RSPH14: variants seen among roughly 807,000 people sequenced by gnomAD.
The protein encoded by RSPH14 is rhabdoid tumor deletion region gene 1.
Under a neutral mutation model 26.7 loss-of-function variants are expected in RSPH14, and 20 were observed. The ratio of observed to expected loss-of-function variants is 0.75; its 90% confidence interval spans 0.53 to 1.09. RSPH14 has a LOEUF of 1.09. RSPH14 is among the 50% of genes least tolerant of loss of function. RSPH14 has a pLI of 0.00. For synonymous variants in RSPH14, 177 were observed against 189.3 expected (o/e 0.93, Z 0.53); for missense variants, 449 against 457.2 (o/e 0.98, Z 0.16).
rs1221637155 is a variant in RSPH14 at position 23,134,043 on chromosome 22, A to G, written c.404T>C (p.Leu135Pro). The change falls in exon 4 of 7, where the codon CTG (leucine) becomes CCG (proline). Residue 135 changes from leucine to proline, a missense_variant. Leu to Pro is a moderately conservative substitution (Grantham distance 98, BLOSUM62 -3). Coordinates refer to ENST00000216036, the MANE Select transcript of RSPH14 (RefSeq NM_014433.3). Reference protein sequence around the residue: ...RGNLYKAYMQLVQVPRGAQEI... With the variant: ...RGNLYKAYMQPVQVPRGAQEI... Reference sequence around the variant, plus strand: ...AAGCCTACCTCTAGGCACCTGGACCAGCTGCATGTATGCCTTGTACAGGTT... The same window carrying G: ...AAGCCTACCTCTAGGCACCTGGACCGGCTGCATGTATGCCTTGTACAGGTT... 3 of 1,613,652 alleles carry G rather than the reference A, an allele frequency of 1.9e-6. No homozygotes were observed. The East Asian group carries it at 6.7e-5, about 36-fold the overall frequency.
chr22:23,119,153 C>T (rs779874197), intron 4 of RSPH14, among the ~76,000 whole-genome samples: 2 of 152,204 alleles, frequency 1.3e-5, no homozygotes, highest in Admixed American at 6.5e-5. Context: ...GTCAGGATGC[C>T]GCTTTGCCCA....
chr22:23,073,659 C>T (rs2068432778), intron 4 of RSPH14, among the ~76,000 whole-genome samples: 1 of 152,234 alleles, frequency 6.6e-6, no homozygotes, highest in African/African-American at 2.4e-5. Flanking sequence ...ACAGGGACCG[C>T]TTGACAGATC....
chr22:23,150,748 C>T, the RSPH14 span, among the ~76,000 whole-genome samples: 4 of 152,332 alleles, frequency 2.6e-5, no homozygotes, highest in African/African-American at 7.2e-5. Flanking sequence ...CTAATCCCCT[C>T]GCTTCCCCTT....
intron 4 of RSPH14, among the ~76,000 whole-genome samples, chr22:23,067,629 T>C (rs1243315326): frequency 2.0e-5 from 3 of 152,200 alleles, no homozygotes; most frequent in African/African-American, 7.2e-5. Flanking sequence ...AACAGCTTCT[T>C]CCTTTACCAC....
intron 4 of RSPH14, among the ~76,000 whole-genome samples, chr22:23,075,206 C>T (rs898098094): frequency 2.0e-5 from 3 of 152,146 alleles, no homozygotes. Flanking sequence ...CAGCATTTCT[C>T]CTCCCTTCCC....
chr22:23,135,809 T>C (rs2070468325), intron 3 of RSPH14, among the ~76,000 whole-genome samples: 1 of 152,042 alleles, frequency 6.6e-6, no homozygotes, highest in Non-Finnish European at 1.5e-5. Context: ...ATCATTTCTT[T>C]TGATTAACCA....
At chr22:23,093,561 A>G (rs942160996) in intron 4 of RSPH14, among the ~76,000 whole-genome samples, 1 of 152,218 alleles carries the variant, frequency 6.6e-6, no homozygotes, top group Non-Finnish European at 1.5e-5. Context: ...TGACGCTCAC[A>G]GCGACAAGCA....
chr22:23,174,939 C>T, the RSPH14 span, among the ~76,000 whole-genome samples: 2 of 151,408 alleles, frequency 1.3e-5, no homozygotes, highest in Admixed American at 1.3e-4. Context: ...TGCACTGCAG[C>T]CTGGGCAACA....
chr22:23,160,988 A>G, the RSPH14 span: 1 of 1,610,716 alleles, frequency 6.2e-7, no homozygotes. Context: ...TCGGCAATGG[A>G]GACCTAATCC....
intron 4 of RSPH14, among the ~76,000 whole-genome samples, chr22:23,128,426 G>A (rs2070235333): frequency 6.6e-6 from 1 of 152,204 alleles, no homozygotes; most frequent in Non-Finnish European, 1.5e-5. Flanking sequence ...CTGGCAGCCT[G>A]TGTGTGACAT....
chr22:23,078,719 G>A (rs1176821857), intron 4 of RSPH14, among the ~76,000 whole-genome samples: 5 of 152,248 alleles, frequency 3.3e-5, no homozygotes, highest in South Asian at 2.1e-4. Context: ...CAGGAAGAAG[G>A]CCAAGGGTGA....
the RSPH14 span, among the ~76,000 whole-genome samples, chr22:23,170,602 G>C: frequency 1.2e-3 from 176 of 152,014 alleles, no homozygotes; most frequent in African/African-American, 4.0e-3. Context: ...GCGTGGTGGT[G>C]AGCACCTGTA....
the RSPH14 span, among the ~76,000 whole-genome samples, chr22:23,158,443 TGAGAAGA>T: frequency 6.6e-6 from 1 of 152,180 alleles, no homozygotes; most frequent in Non-Finnish European, 1.5e-5. Context: ...CTTGCAGTCT[TGAGAAGA>T]GAGAATTGGC....
At position 23,134,023 on chromosome 22, in the gene RSPH14, T is replaced by A. The variant is rs1308448269; in HGVS notation, c.421+3A>T. 6.2e-7 allele frequency: 1 copy of A among 1,611,446 alleles called. No homozygotes were observed. Among genetic ancestry groups the A allele is most frequent in the Non-Finnish European group, 8.5e-7 (1 of 1,177,866 alleles). On this transcript the variant is annotated splice_donor_region_variant and intron_variant, in intron 4 of 6. Coordinates refer to ENST00000216036, the MANE Select transcript of RSPH14 (RefSeq NM_014433.3). ...CAGATCTGTGTGCAGGACGCAAGCC[T>A]ACCTCTAGGCACCTGGACCAGCTGC...
At chr22:23,093,435 G>C (rs1020304383) in intron 4 of RSPH14, among the ~76,000 whole-genome samples, 1 of 152,220 alleles carries the variant, frequency 6.6e-6, no homozygotes. Context: ...ACGAGGCCAG[G>C]ACGGGCCCTC....
intron 4 of RSPH14, among the ~76,000 whole-genome samples, chr22:23,126,654 C>A (rs1266119110): frequency 6.6e-6 from 1 of 152,216 alleles, no homozygotes; most frequent in Non-Finnish European, 1.5e-5. Context: ...GAGTCTTAGC[C>A]AACGGGAGGT....
At chr22:23,073,145 A>G (rs182733172) in intron 4 of RSPH14, among the ~76,000 whole-genome samples, 1 of 152,342 alleles carries the variant, frequency 6.6e-6, no homozygotes, top group Admixed American at 6.5e-5. Context: ...TGTGGTGGCA[A>G]AGGCACTCTC....
At chr22:23,072,754 A>G (rs900094122) in intron 4 of RSPH14, among the ~76,000 whole-genome samples, 8 of 152,318 alleles carry the variant, frequency 5.3e-5, no homozygotes, top group East Asian at 1.9e-4. Flanking sequence ...GGTTTGGGAC[A>G]CAGGGAATGG....
At chr22:23,156,421 G>C in the RSPH14 span, 37 of 172,668 alleles carry the variant, frequency 2.1e-4, no homozygotes, top group South Asian at 8.6e-4. Context: ...GGAGTGAAAG[G>C]GGGACCACGG....
Sources: gnomAD v4.1 joint callset for allele counts (sites outside exome capture counted in the v4.1 genomes callset) on GRCh38, gnomAD v4.1.1 for gene constraint, MANE v1.5 for transcripts, NCBI Gene and HGNC (gene_info 2026-07-23, HGNC 2026-07-21) for gene names.